Variants in CADPS observed in about 807,000 individuals in gnomAD.
The protein encoded by CADPS is calcium-dependent secretion activator 1.
In CADPS, 57 loss-of-function variants were observed where a neutral mutation model predicts 167.3. The observed-to-expected ratio is 0.34, with a 90% confidence interval of 0.28 to 0.42. The LOEUF (loss-of-function observed/expected upper bound fraction) is 0.42. CADPS is among the 20% of genes least tolerant of loss of function. The pLI is 1.00. For missense variants in CADPS, 1,414 were observed against 1,738.1 expected (o/e 0.81, Z 3.32); for synonymous variants, 676 against 635.3 (o/e 1.06, Z -0.96).
chr3:62,687,571 A>C (rs1303636730), intron 3 of CADPS, among the ~76,000 whole-genome samples: 2 of 151,966 alleles, frequency 1.3e-5, no homozygotes, highest in African/African-American at 2.4e-5. Flanking sequence ...CCAGGGACTT[A>C]GGGCCAGGAT....
chr3:62,631,724 A>T (rs1191930697), intron 6 of CADPS, among the ~76,000 whole-genome samples: 2 of 152,182 alleles, frequency 1.3e-5, no homozygotes, highest in African/African-American at 4.8e-5. Context: ...ATTTGAGCAC[A>T]ATGATTTGCT....
chr3:62,762,587 T>C (rs1050077027), intron 2 of CADPS, among the ~76,000 whole-genome samples: 1 of 150,170 alleles, frequency 6.7e-6, no homozygotes, highest in African/African-American at 2.5e-5. Context: ...GCCAGGGAGG[T>C]TGAGGCTGCA....
chr3:62,655,619 C>T (rs2071350692), intron 4 of CADPS, among the ~76,000 whole-genome samples: 7 of 152,050 alleles, frequency 4.6e-5, no homozygotes. Context: ...GATTTTTACC[C>T]AGAGAGGATG....
chr3:62,477,953 T>C, intron 23 of CADPS: 1 of 298,062 alleles, frequency 3.4e-6, no homozygotes, highest in Non-Finnish European at 6.4e-6. Flanking sequence ...TACTTACTAG[T>C]TAAGTATTTT....
intron 1 of CADPS, among the ~76,000 whole-genome samples, chr3:62,860,797 A>G (rs1485272785): frequency 1.3e-5 from 2 of 152,170 alleles, no homozygotes; most frequent in Non-Finnish European, 2.9e-5. Context: ...TCTAACCACT[A>G]CATGTGGTCC....
At chr3:62,851,251 A>T (rs2078520080) in intron 1 of CADPS, among the ~76,000 whole-genome samples, 1 of 138,584 alleles carries the variant, frequency 7.2e-6, no homozygotes, top group Non-Finnish European at 1.5e-5. Flanking sequence ...GTGTCTTTTA[A>T]TTGGAGAATT....
chr3:62,871,914 A>G (rs2082700513), intron 1 of CADPS, among the ~76,000 whole-genome samples: 1 of 152,210 alleles, frequency 6.6e-6, no homozygotes, highest in Non-Finnish European at 1.5e-5. Flanking sequence ...GATAAAATCT[A>G]TTCTTCAAAA....
intron 21 of CADPS, among the ~76,000 whole-genome samples, chr3:62,485,070 T>C (rs937539854): frequency 1.3e-5 from 2 of 152,126 alleles, no homozygotes; most frequent in Non-Finnish European, 1.5e-5. Flanking sequence ...TCCATGAAAA[T>C]TTAATACAAC....
intron 2 of CADPS, among the ~76,000 whole-genome samples, chr3:62,765,002 A>G (rs2086488169): frequency 6.6e-6 from 1 of 152,350 alleles, no homozygotes; most frequent in Middle Eastern, 3.4e-3. Flanking sequence ...TTGACAATGC[A>G]TAAGACATTT....
intron 3 of CADPS, among the ~76,000 whole-genome samples, chr3:62,717,978 G>T (rs574382193): frequency 9.9e-5 from 15 of 151,870 alleles, no homozygotes; most frequent in African/African-American, 3.1e-4. Context: ...TCTAGCTCAC[G>T]GCTGCCTCCT....
chr3:62,784,033 G>C (rs2092107442), intron 1 of CADPS, among the ~76,000 whole-genome samples: 1 of 152,172 alleles, frequency 6.6e-6, no homozygotes, highest in African/African-American at 2.4e-5. Flanking sequence ...GTTCCTTGGA[G>C]CAATGGCTGA....
chr3:62,402,655 AT>A (rs1392130484), intron 29 of CADPS, among the ~76,000 whole-genome samples: 1 of 152,262 alleles, frequency 6.6e-6, no homozygotes, highest in African/African-American at 2.4e-5. Flanking sequence ...TCTGATAATG[AT>A]CACAGGACAT....
At chr3:62,537,693 T>C (rs907317208) in intron 11 of CADPS, among the ~76,000 whole-genome samples, 17 of 152,066 alleles carry the variant, frequency 1.1e-4, no homozygotes, top group African/African-American at 4.1e-4. Context: ...TGGGAGTAGT[T>C]TGGATAACAT....
Position 62,433,525 on chromosome 3 carries a change from T to C in CADPS, c.3777+4579A>G, listed in dbSNP as rs1435163046. Among the ~76,000 whole-genome samples the C allele has an allele frequency of 1.3e-5, 2 of 152,286 alleles. No individual in the cohort carries two copies. Among genetic ancestry groups the C allele is most frequent in the African/African-American group, 4.8e-5 (2 of 41,572 alleles). ...TCCAGAAGGCAGATTAAGTGTATAA[T>C]TGACCTATATAATCCATGTATCATC... On this transcript the variant is annotated intron_variant, in intron 28 of 29. Transcript: ENST00000383710. The surrounding 1 kb of genome is among the most constrained non-coding windows in gnomAD (Gnocchi z 4.7).
chr3:62,575,715 TC>T (rs2082129408), intron 8 of CADPS, among the ~76,000 whole-genome samples: 1 of 152,190 alleles, frequency 6.6e-6, no homozygotes. Context: ...TCTTCCTCCT[TC>T]CTTCTAGATG....
intron 1 of CADPS, among the ~76,000 whole-genome samples, chr3:62,850,543 T>C (rs1312374188): frequency 2.3e-5 from 3 of 129,630 alleles, no homozygotes; most frequent in African/African-American, 8.3e-5. Context: ...CCAGTAGTCA[T>C]TCAGGAGCAG....
chr3:62,581,621 C>T lies in CADPS; in HGVS notation c.1577+3564G>A, dbSNP rs115008567. ...GCCTGAGCCCAAGAGGTCAAGGCTG[C>T]AGTAAGCTATGATAGCACCTTTGCA... On this transcript the variant is annotated intron_variant, in intron 8 of 29. Transcript: ENST00000383710. Among the ~76,000 whole-genome samples, 685 of 152,084 alleles carry T rather than the reference C, an allele frequency of 4.5e-3. 5 individuals are homozygous for T. The highest frequency in any genetic ancestry group is 0.017 in the Middle Eastern group (5 of 294).
chr3:62,474,170 T>TTTTTTTTTTTAAAA lies in CADPS; in HGVS notation c.3477+2_3477+3insTTTTAAAAAAAAAA. 2 of 1,475,398 alleles carry TTTTTTTTTTTAAAA rather than the reference T, an allele frequency of 1.4e-6. No individual in the cohort carries two copies. The highest frequency in any genetic ancestry group is 1.5e-5 in the African/African-American group (1 of 67,924). The allele number at this position is 1,475,398 out of a possible 1,614,324, so 91.4% of individuals were successfully genotyped here. On this transcript the variant is annotated splice_region_variant and intron_variant, in intron 24 of 29. Coordinates refer to ENST00000383710, the MANE Select transcript of CADPS (RefSeq NM_003716.4). The stretch of plus-strand genomic sequence containing the variant: ...AAATCTGTATTTTTTTTTTTTTTTT[T>TTTTTTTTTTTAAAA]ACCTCTTGGCCCATTTCCATGCTGC...
At chr3:62,687,656 T>A (rs529960447) in intron 3 of CADPS, among the ~76,000 whole-genome samples, 1 of 152,086 alleles carries the variant, frequency 6.6e-6, no homozygotes, top group South Asian at 2.1e-4. Flanking sequence ...TATTATCTAT[T>A]GTGTATACTG....
Sources: gnomAD v4.1 joint callset for allele counts (sites outside exome capture counted in the v4.1 genomes callset) on GRCh38, gnomAD v4.1.1 for gene constraint, Gnocchi (gnomAD v3.1) non-coding constraint, MANE v1.5 for transcripts, NCBI Gene and HGNC (gene_info 2026-07-23, HGNC 2026-07-21) for gene names.